Variants in AFF2 observed in about 807,000 individuals in gnomAD.
AFF2 encodes AF4/FMR2 family member 2.
AFF2 carries 14 observed loss-of-function variants against 76.9 expected under a neutral mutation model. That is an observed-to-expected ratio of 0.18 (90% confidence interval 0.12 to 0.28). The LOEUF (loss-of-function observed/expected upper bound fraction) is 0.28, where lower values mean the gene tolerates loss of function less well. AFF2 is among the 10% of genes least tolerant of loss of function. AFF2 has a pLI of 1.00. For missense variants in AFF2, 868 were observed against 1,001.1 expected (o/e 0.87, Z 1.79); for synonymous variants, 398 against 366.7 (o/e 1.09, Z -0.98).
rs781943406 is a variant in AFF2, at chrX:148,895,894, C to T, written c.1360-8327C>T. Among the ~76,000 whole-genome samples the T allele has an allele frequency of 1.3e-4, 14 of 111,144 alleles. No individual in the cohort carries two copies. The South Asian group carries it at 5.0e-3, about 40-fold the overall frequency. On this transcript the variant is annotated intron_variant, in intron 8 of 20. Transcript: ENST00000370460. ...CTTACCTCTCTAATATTTCTTCTCC[C>T]AGCCCTCACTTGGAGCAGAATCACA...
chrX:148,956,658 T>A, intron 11 of AFF2, 45 bp downstream of exon 11: 1 of 1,121,175 alleles, frequency 8.9e-7, no homozygotes, highest in Non-Finnish European at 1.2e-6. Context: ...GAGCAGTGTC[T>A]GTTTGTTGTC....
intron 1 of AFF2, among the ~76,000 whole-genome samples, chrX:148,504,061 A>G (rs2052381368): frequency 8.9e-6 from 1 of 112,224 alleles, no homozygotes; most frequent in Non-Finnish European, 1.9e-5. Context: ...CTTCATTTAA[A>G]TCATTCCATA....
chrX:148,975,453 G>A (rs1603351776), intron 16 of AFF2, among the ~76,000 whole-genome samples: 1 of 111,750 alleles, frequency 8.9e-6, no homozygotes, highest in African/African-American at 3.3e-5. Flanking sequence ...TTTATTATAT[G>A]ATGTTAAAAT....
chrX:148,848,699 A>G (rs1296405420), intron 7 of AFF2, among the ~76,000 whole-genome samples: 2 of 112,459 alleles, frequency 1.8e-5, no homozygotes, highest in African/African-American at 6.5e-5. Flanking sequence ...TTGGAATTTA[A>G]AAATACTGCT....
intron 1 of AFF2, among the ~76,000 whole-genome samples, chrX:148,568,486 A>G (rs1303567399): frequency 8.9e-6 from 1 of 112,286 alleles, no homozygotes; most frequent in Non-Finnish European, 1.9e-5. Flanking sequence ...TCAGTACTAC[A>G]GCTTTCAATG....
At chrX:148,611,647 T>G (rs980910300) in intron 1 of AFF2, among the ~76,000 whole-genome samples, 3 of 111,254 alleles carry the variant, frequency 2.7e-5, no homozygotes, top group African/African-American at 9.8e-5. Context: ...CTGAGTGGGC[T>G]GGTTGGACTC....
rs1557267777 is a variant in AFF2, at chrX:148,766,596, T to TACAAA, written c.1042-43280_1042-43279insACAAA. Among the ~76,000 whole-genome samples the TACAAA allele has an allele frequency of 2.8e-5, 3 of 105,805 alleles. No homozygotes were observed. In the East Asian group the frequency reaches 8.9e-4, roughly 31 times the overall value. The allele number at this position is 105,805 out of a possible 115,157, so 91.9% of individuals were successfully genotyped here. On this transcript the variant is annotated intron_variant, in intron 3 of 20. Coordinates refer to ENST00000370460, the MANE Select transcript of AFF2 (RefSeq NM_002025.4). ...ATTTGTTTGAGTTCATTGTAGATTC[T>TACAAA]GGTTATTAGCCCTTTGTCAGATGAG...
At chrX:148,660,745 T>C (rs2054296386) in intron 2 of AFF2, among the ~76,000 whole-genome samples, 1 of 112,163 alleles carries the variant, frequency 8.9e-6, no homozygotes, top group South Asian at 3.7e-4. Flanking sequence ...CCTTCTATCA[T>C]TGCAACATCT....
At position 149,000,331 on chromosome X, in the gene AFF2, G is replaced by A. The variant is rs142697456; in HGVS notation, c.*8999G>A. 1 of 112,518 alleles carries A rather than the reference G, an allele frequency of 8.9e-6. No homozygotes were observed. The highest frequency in any genetic ancestry group is 1.9e-5 in the Non-Finnish European group (1 of 53,334). 9.3% of individuals were successfully genotyped at this position (112,518 alleles called of 1,213,427 possible). On this transcript the variant is annotated 3_prime_UTR_variant, in exon 21 of 21. Coordinates refer to ENST00000370460, the MANE Select transcript of AFF2 (RefSeq NM_002025.4). ...AAGTTCCAATTTCCTGTACAGACCAGGGTAAACTGTTCTAAAATCAATCAA... is the reference window on the plus strand; with the variant it reads ...AAGTTCCAATTTCCTGTACAGACCAAGGTAAACTGTTCTAAAATCAATCAA...
At chrX:148,985,967 G>C (rs930440437) in intron 19 of AFF2, among the ~76,000 whole-genome samples, 21 of 110,444 alleles carry the variant, frequency 1.9e-4, no homozygotes, top group African/African-American at 6.9e-4. Flanking sequence ...CCCAGATCTA[G>C]TCAGCAGCAT....
intron 9 of AFF2, 139 bp downstream of exon 9, chrX:148,904,397 C>CA (rs1443858485): frequency 1.2e-5 from 5 of 427,350 alleles, no homozygotes; most frequent in East Asian, 4.1e-5. Flanking sequence ...CAAAACAAGC[C>CA]AAAAAAATCC....
chrX:148,850,485 T>C (rs2070719372), intron 7 of AFF2, among the ~76,000 whole-genome samples: 2 of 111,492 alleles, frequency 1.8e-5, no homozygotes, highest in African/African-American at 6.5e-5. Flanking sequence ...TTAAAAAAAA[T>C]TCACTTGTAT....
chrX:148,977,904 C>T (rs1199634920), intron 16 of AFF2, 29 bp from the exon 17 acceptor site: 1 of 1,099,551 alleles, frequency 9.1e-7, no homozygotes, highest in Non-Finnish European at 1.3e-6. Flanking sequence ...AATACAGATT[C>T]CACTTTAGCT....
intron 18 of AFF2, among the ~76,000 whole-genome samples, chrX:148,979,180 A>G (rs2072362809): frequency 8.9e-6 from 1 of 111,824 alleles, no homozygotes; most frequent in South Asian, 3.8e-4. Flanking sequence ...AGAAAAGGAC[A>G]TGATTTTTTT....
At chrX:148,882,046 C>A (rs1369743883) in intron 7 of AFF2, among the ~76,000 whole-genome samples, 9 of 111,461 alleles carry the variant, frequency 8.1e-5, no homozygotes, top group Non-Finnish European at 1.7e-4. Context: ...TTCTTCCTGC[C>A]AGCCTTCTAT....
At chrX:148,767,580 A>G (rs1434335410) in intron 3 of AFF2, among the ~76,000 whole-genome samples, 2 of 112,157 alleles carry the variant, frequency 1.8e-5, no homozygotes, top group Admixed American at 1.9e-4. Context: ...TAAGACAGAA[A>G]GGCATCCTAA....
At chrX:148,820,832 T>C (rs1440862640) in intron 4 of AFF2, among the ~76,000 whole-genome samples, 1 of 112,126 alleles carries the variant, frequency 8.9e-6, no homozygotes, top group African/African-American at 3.2e-5. Context: ...AAGAGTTATA[T>C]TGCTGAACTA....
rs181089475 is a variant in AFF2 at position 148,829,707 on chromosome X, A to G, written c.1087-7940A>G. 8.9e-5 allele frequency among the ~76,000 whole-genome samples: 10 copies of G among 112,204 alleles called. No homozygotes were observed. In the East Asian group the frequency reaches 2.8e-3, roughly 32 times the overall value. Reference sequence around the variant, plus strand: ...GGTAAAGCAGTACAGATGATTCACAACACCCACTCCGCCACCTTTTAGGAA... The same window carrying G: ...GGTAAAGCAGTACAGATGATTCACAGCACCCACTCCGCCACCTTTTAGGAA... On this transcript the variant is annotated intron_variant, in intron 4 of 20. Coordinates refer to ENST00000370460, the MANE Select transcript of AFF2 (RefSeq NM_002025.4).
At chrX:148,904,362 A>G (rs990102090) in intron 9 of AFF2, 104 bp downstream of exon 9, 9 of 503,171 alleles carry the variant, frequency 1.8e-5, no homozygotes, top group East Asian at 7.6e-5. Context: ...GTTAATCTCT[A>G]TTCATGACAA....
Sources: allele counts gnomAD v4.1 joint callset (sites outside exome capture counted in the v4.1 genomes callset), GRCh38; gene constraint gnomAD v4.1.1; transcripts MANE v1.5; gene names NCBI Gene and HGNC (gene_info 2026-07-23, HGNC 2026-07-21).